Variants in LRRC75B observed in about 807,000 individuals in gnomAD.
LRRC75B encodes the protein leucine-rich repeat-containing protein 75B.
In LRRC75B, 20 loss-of-function variants were observed where a neutral mutation model predicts 16.5. The observed-to-expected ratio is 1.21, with a 90% CI of 0.85 to 1.76. The LOEUF is 1.76. LRRC75B is among the 40% of genes most tolerant of loss of function. The pLI is 0.00. For missense variants in LRRC75B, 406 were observed against 417.0 expected (o/e 0.97, Z 0.23); for synonymous variants, 199 against 198.1 (o/e 1.00, Z -0.04).
At chr22:24,592,722 G>C in intron 1 of LRRC75B, 141 bp downstream of exon 1, 1 of 1,292,228 alleles carries the variant, frequency 7.7e-7, no homozygotes, top group South Asian at 1.6e-5. Flanking sequence ...CTCGGAACCC[G>C]CCTGCGCGCG....
intron 2 of LRRC75B, chr22:24,589,276 G>A: frequency 4.0e-6 from 5 of 1,248,624 alleles, no homozygotes; most frequent in South Asian, 1.4e-5. Flanking sequence ...CTGTGGGGTG[G>A]AGGCTGCAGG....
At position 24,592,852 on chromosome 22, in the gene LRRC75B, C is replaced by A; in HGVS notation, c.177+11G>T. The A allele has an allele frequency of 7.8e-7, 1 of 1,277,628 alleles. No individual in the cohort carries two copies. Among genetic ancestry groups the A allele is most frequent in the Non-Finnish European group, 9.9e-7 (1 of 1,011,806 alleles). The allele number at this position is 1,277,628 out of a possible 1,614,324, so 79.1% of individuals were successfully genotyped here. On this transcript the variant is annotated intron_variant, in intron 1 of 3. Coordinates refer to ENST00000318753, the MANE Select transcript of LRRC75B (RefSeq NM_207644.3). Reference sequence around the variant, plus strand: ...GCCGCCAGCCCAGGGGCGGACGGCTCCTTCTCTCGCCTGGCGCAGGAGGCG... The same window carrying A: ...GCCGCCAGCCCAGGGGCGGACGGCTACTTCTCTCGCCTGGCGCAGGAGGCG...
At chr22:24,588,026 A>G (rs2045450195) in intron 3 of LRRC75B, among the ~76,000 whole-genome samples, 188 bp downstream of exon 3, 1 of 152,154 alleles carries the variant, frequency 6.6e-6, no homozygotes, top group Admixed American at 6.5e-5. Flanking sequence ...CAGAGGGTGC[A>G]GCTTGGCTTG....
chr22:24,593,006 C>T lies in LRRC75B; in HGVS notation c.34G>A (p.Glu12Lys). 1 of 1,119,360 alleles carries T rather than the reference C, an allele frequency of 8.9e-7. No individual in the cohort carries two copies. Among genetic ancestry groups the T allele is most frequent in the Non-Finnish European group, 1.1e-6 (1 of 916,490 alleles). The allele number at this position is 1,119,360 out of a possible 1,614,324, so 69.3% of individuals were successfully genotyped here. Residue 12 changes from glutamate (E) to lysine (K), a missense_variant, in exon 1 of 4, where the codon GAG (glutamate) becomes AAG (lysine). Physicochemically the swap from Glu to Lys is moderately conservative, Grantham distance 56 (BLOSUM62 1). Coordinates refer to ENST00000318753, the MANE Select transcript of LRRC75B (RefSeq NM_207644.3). ...GCCGCCCCGGCCTCAGAGCCAGCCT[C>T]GGGCCCGGCCCGCCGGCCCAGCCGC... The part of the protein sequence containing the change: ...GARLGRRAGP[E>K]AGSEAGAAAG...
At chr22:24,590,053 TCTC>T (rs1471941647) in intron 1 of LRRC75B, 104 bp from the exon 2 acceptor site, 1 of 1,321,664 alleles carries the variant, frequency 7.6e-7, no homozygotes. Flanking sequence ...TGTCTCTCCA[TCTC>T]CTCCCTAAGG....
chr22:24,587,255 T>C (rs748764154), intron 3 of LRRC75B, among the ~76,000 whole-genome samples: 18 of 152,194 alleles, frequency 1.2e-4, no homozygotes, highest in Non-Finnish European at 2.5e-4. Flanking sequence ...GGGGAGGTCC[T>C]GGGTGTGCAG....
intron 2 of LRRC75B, 140 bp from the exon 3 acceptor site, chr22:24,588,469 TC>T (rs35614255): frequency 1.0e-5 from 8 of 773,704 alleles, no homozygotes; most frequent in Admixed American, 4.5e-5. Context: ...CACCAGGGCC[TC>T]CCCCTCCTAC....
At chr22:24,590,554 C>T (rs1411947361) in intron 1 of LRRC75B, among the ~76,000 whole-genome samples, 1 of 152,130 alleles carries the variant, frequency 6.6e-6, no homozygotes, top group Non-Finnish European at 1.5e-5. Context: ...TAGGACTTGT[C>T]AGTGGGATTC....
intron 2 of LRRC75B, 147 bp downstream of exon 2, chr22:24,589,674 A>T: frequency 1.1e-6 from 1 of 896,776 alleles, no homozygotes. Context: ...TGATGCTGGC[A>T]GCAGGTCTCA....
intron 1 of LRRC75B, chr22:24,592,520 G>T: frequency 2.3e-6 from 1 of 436,066 alleles, no homozygotes; most frequent in Non-Finnish European, 4.7e-6. Flanking sequence ...ATCTTGCCAG[G>T]GCCTGAATTT....
intron 3 of LRRC75B, among the ~76,000 whole-genome samples, chr22:24,586,810 C>A (rs41277323): frequency 1.3e-5 from 2 of 152,230 alleles, no homozygotes; most frequent in Non-Finnish European, 2.9e-5. Context: ...GGATTACAGG[C>A]GTGAGCCACT....
In LRRC75B at chr22:24,592,948, C is replaced by T; in HGVS notation, c.92G>A (p.Arg31Gln). 2 of 1,223,586 alleles carry T rather than the reference C, an allele frequency of 1.6e-6. No individual in the cohort carries two copies. Among genetic ancestry groups the T allele is most frequent in the South Asian group, 3.2e-5 (1 of 31,228 alleles). The allele number at this position is 1,223,586 out of a possible 1,614,324, so 75.8% of individuals were successfully genotyped here. A position where few individuals can be genotyped will look rare whatever the true frequency, so the allele number is the denominator to read the frequency against. ...CTGGATCTCGCGGAGCCACCGCACCCGGCGCTCGTAGGGCGCGGGCCCGCA... is the reference window on the plus strand; with the variant it reads ...CTGGATCTCGCGGAGCCACCGCACCTGGCGCTCGTAGGGCGCGGGCCCGCA... ...AGCGPAPYER[R>Q]VRWLREIQST... The change falls in exon 1 of 4, where the codon CGG becomes CAG. Residue 31 changes from arginine to glutamine, a missense_variant. Transcript: ENST00000318753.
At position 24,586,375 on chromosome 22, in the gene LRRC75B, C is replaced by A; in HGVS notation, c.459G>T (p.Gly153=). 1 of 1,613,660 alleles carries A rather than the reference C, an allele frequency of 6.2e-7. No homozygotes were observed. Among genetic ancestry groups the A allele is most frequent in the Non-Finnish European group, 8.5e-7 (1 of 1,179,928 alleles). Residue 153 remains glycine, a synonymous_variant, in exon 4 of 4, where the codon GGG becomes GGT. Transcript: ENST00000318753. The stretch of plus-strand genomic sequence containing the variant: ...GGATGCCTGAGAGGTCCACAGTCTC[C>A]CCTGCCAGCAGAGTCTTCTGGAGGC... ...KSSLQKTLLA[G]ETVDLSGIPL... is the part of the protein sequence containing the mutation.
intron 3 of LRRC75B, among the ~76,000 whole-genome samples, chr22:24,587,187 G>A (rs1406352323): frequency 2.6e-5 from 4 of 152,148 alleles, no homozygotes; most frequent in African/African-American, 4.8e-5. Context: ...ACAAAGGGAC[G>A]GCTATTAGGC....
intron 1 of LRRC75B, 128 bp downstream of exon 1, chr22:24,592,735 A>G (rs922046045): frequency 3.1e-6 from 4 of 1,298,830 alleles, no homozygotes; most frequent in Non-Finnish European, 3.9e-6. Context: ...TGCGCGCGCC[A>G]GAGACCAGCT....
chr22:24,590,034 G>A, intron 1 of LRRC75B, 85 bp from the exon 2 acceptor site: 1 of 1,409,988 alleles, frequency 7.1e-7, no homozygotes, highest in Non-Finnish European at 9.4e-7. Flanking sequence ...TGCTGCTTAT[G>A]CCCGTTCCTG....
intron 1 of LRRC75B, among the ~76,000 whole-genome samples, chr22:24,590,284 T>C (rs1244303644): frequency 3.9e-5 from 6 of 152,022 alleles, no homozygotes; most frequent in Admixed American, 3.9e-4. Flanking sequence ...GGCACCACTA[T>C]GCTCAGCTAA....
Position 24,587,118 on chromosome 22 carries a change from GT to G in LRRC75B, c.423-708del, listed in dbSNP as rs534549227. 5.2e-3 allele frequency among the ~76,000 whole-genome samples: 796 copies of G among 152,264 alleles called. 7 individuals carry two copies. The highest frequency in any genetic ancestry group is 0.018 in the African/African-American group (758 of 41,532). ...GATGCTCTGACTCTTGAGCCCACATGTTTTTTTCCCTGTGCCCCTTCTGATG... is the reference window on the plus strand; with the variant it reads ...GATGCTCTGACTCTTGAGCCCACATGTTTTTTCCCTGTGCCCCTTCTGATG... On this transcript the variant is annotated intron_variant, in intron 3 of 3. Coordinates refer to ENST00000318753, the MANE Select transcript of LRRC75B (RefSeq NM_207644.3).
intron 3 of LRRC75B, 116 bp from the exon 4 acceptor site, chr22:24,586,527 A>C: frequency 9.0e-7 from 1 of 1,112,884 alleles, no homozygotes; most frequent in Non-Finnish European, 1.3e-6. Flanking sequence ...GCCAGATTCA[A>C]ACTGTGTCTT....
Sources: allele counts gnomAD v4.1 joint callset (sites outside exome capture counted in the v4.1 genomes callset), GRCh38; gene constraint gnomAD v4.1.1; transcripts MANE v1.5; gene names NCBI Gene and HGNC (gene_info 2026-07-23, HGNC 2026-07-21).